Variants in CFAP99 observed in about 807,000 individuals in gnomAD.
The protein encoded by CFAP99 is cilia- and flagella-associated protein 99.
CFAP99 carries 84 observed loss-of-function variants against 82.7 expected under a neutral mutation model. That is an observed-to-expected ratio of 1.02 (90% CI 0.85 to 1.22). The LOEUF (loss-of-function observed/expected upper bound fraction) is 1.22. CFAP99 is among the 50% of genes most tolerant of loss of function. CFAP99 has a pLI of 0.00. For synonymous variants in CFAP99, 456 were observed against 429.5 expected (o/e 1.06, Z -0.76); for missense variants, 1,059 against 983.5 (o/e 1.08, Z -1.03).
In CFAP99 at chr4:2,426,487, T is replaced by G; in HGVS notation, c.12T>G (p.Tyr4Ter). The change falls in exon 2 of 15, where the codon TAT becomes TAG. Residue 4 changes from tyrosine to a stop codon, truncating the protein, a stop_gained. Coordinates refer to ENST00000635017, the Ensembl canonical transcript of CFAP99. LOFTEE classifies it high-confidence loss of function. The stretch of plus-strand genomic sequence containing the variant: ...TCTGCCCTAAGAAGATGGCCTACTA[T>G]GGAAAATGCATTGAAACTGTGATCG... The G allele has an allele frequency of 6.5e-7, 1 of 1,535,786 alleles. No individual in the cohort carries two copies. The highest frequency in any genetic ancestry group is 1.2e-5 in the South Asian group (1 of 84,058).
rs567188601 is a variant in CFAP99 at position 2,447,285 on chromosome 4, C to CA, written c.642+1978dup. On this transcript the variant is annotated intron_variant, in intron 6 of 14. Coordinates refer to ENST00000635017, the Ensembl canonical transcript of CFAP99. ...GGATGGATGGATGGATGGATGGACA[C>CA]ATGGAAGGATAAGTGAATGAATGGA... is the stretch of plus-strand genomic sequence containing the variant. Among the ~76,000 whole-genome samples, 572 of 140,418 alleles carry CA rather than the reference C, an allele frequency of 4.1e-3. 2 individuals are homozygous for CA. The highest frequency in any genetic ancestry group is 0.015 in the African/African-American group (545 of 36,808). 92.1% of individuals were successfully genotyped at this position (140,418 alleles called of 152,430 possible).
At position 2,433,272 on chromosome 4, in the gene CFAP99, G is replaced by A. The variant is rs564648806; in HGVS notation, c.112-3602G>A. Among the ~76,000 whole-genome samples the A allele has an allele frequency of 2.2e-4, 33 of 152,300 alleles. No homozygotes were observed. The South Asian group carries it at 5.2e-3, about 24-fold the overall frequency. On this transcript the variant is annotated intron_variant, in intron 2 of 14. Transcript: ENST00000635017. ...AACACAGACGTCATTGATGAGAAGC[G>A]GAGTCGCCGGTGCCTGAGCCGGGGA...
chr4:2,439,191 T>C (rs1003072028), intron 4 of CFAP99, among the ~76,000 whole-genome samples: 3 of 152,242 alleles, frequency 2.0e-5, no homozygotes, highest in Admixed American at 1.3e-4. Context: ...AGGTTGCTCC[T>C]ACATGGTACT....
chr4:2,436,107 G>C lies in CFAP99; in HGVS notation c.112-767G>C, dbSNP rs28419086. Reference sequence around the variant, plus strand: ...AAAAAAAAAAAAAATCTATATATATGTATATATAGATATATATAGATATAT... The same window carrying C: ...AAAAAAAAAAAAAATCTATATATATCTATATATAGATATATATAGATATAT... On this transcript the variant is annotated intron_variant, in intron 2 of 14. Coordinates refer to ENST00000635017, the Ensembl canonical transcript of CFAP99. 2.8e-5 allele frequency among the ~76,000 whole-genome samples: 4 copies of C among 144,334 alleles called. No homozygotes were observed. In the South Asian group the frequency reaches 8.5e-4, roughly 31 times the overall value. The allele number at this position is 144,334 out of a possible 152,430, so 94.7% of individuals were successfully genotyped here. A position where few individuals can be genotyped will look rare whatever the true frequency, so the allele number is the denominator to read the frequency against.
intron 5 of CFAP99, among the ~76,000 whole-genome samples, chr4:2,443,609 T>G (rs1437724474): frequency 6.6e-6 from 1 of 152,158 alleles, no homozygotes; most frequent in African/African-American, 2.4e-5. Context: ...GTGGTTCTAG[T>G]CCTGTGGGGA....
At chr4:2,423,182 T>G (rs759687622) in intron 1 of CFAP99, among the ~76,000 whole-genome samples, 2 of 152,250 alleles carry the variant, frequency 1.3e-5, no homozygotes, top group Non-Finnish European at 2.9e-5. Context: ...AAGTGCTTCC[T>G]GCTGCCAGCA....
At position 2,446,907 on chromosome 4, in the gene CFAP99, G is replaced by T. The variant is rs1734178506; in HGVS notation, c.642+1599G>T. On this transcript the variant is annotated intron_variant, in intron 6 of 14. Transcript: ENST00000635017. The surrounding 1 kb of genome is among the most constrained non-coding windows in gnomAD (Gnocchi z 5.0). ...TGAATGGGTGGATGAATGATCAAAT[G>T]AATGGATGGGTATGTGGGTAAGTGG... Among the ~76,000 whole-genome samples, 1 of 151,860 alleles carries T rather than the reference G, an allele frequency of 6.6e-6. No individual in the cohort carries two copies. The highest frequency in any genetic ancestry group is 6.6e-5 in the Admixed American group (1 of 15,218).
chr4:2,434,537 C>T (rs1474406930), intron 2 of CFAP99, among the ~76,000 whole-genome samples: 2 of 152,206 alleles, frequency 1.3e-5, no homozygotes, highest in Non-Finnish European at 2.9e-5. Flanking sequence ...CACGGGGAAC[C>T]TTGTGCTTAA....
At chr4:2,418,955 G>C (rs1733446206), upstream of CFAP99, 1 of 152,166 alleles carries the variant, frequency 6.6e-6, no homozygotes, top group Non-Finnish European at 1.5e-5. This position sits in a 1 kb window ranked among gnomAD's most constrained non-coding sequence, Gnocchi z 4.6. Context: ...AGGTGACGAC[G>C]CCAAACAGCC....
chr4:2,443,378 C>T (rs1183163368), intron 5 of CFAP99, 136 bp downstream of exon 5: 5 of 638,836 alleles, frequency 7.8e-6, no homozygotes, highest in Non-Finnish European at 1.4e-5. Context: ...ACTCCGTGTT[C>T]GGATGAGATC....
At chr4:2,441,244 G>A (rs929154744) in intron 4 of CFAP99, among the ~76,000 whole-genome samples, 2 of 151,464 alleles carry the variant, frequency 1.3e-5, no homozygotes, top group East Asian at 1.9e-4. Context: ...ATGGTGGCAC[G>A]CGCCTATAAT....
intron 2 of CFAP99, among the ~76,000 whole-genome samples, chr4:2,433,678 A>G (rs1733846417): frequency 2.0e-5 from 3 of 152,220 alleles, no homozygotes; most frequent in Admixed American, 6.5e-5. Flanking sequence ...GCGAGCGCCC[A>G]GGTGGCCATC....
At chr4:2,447,841 GAT>G (rs1475323906) in intron 6 of CFAP99, among the ~76,000 whole-genome samples, 3 of 151,086 alleles carry the variant, frequency 2.0e-5, no homozygotes, top group African/African-American at 7.3e-5. Flanking sequence ...TGGATGGATG[GAT>G]GGATGGATGG....
chr4:2,451,177 G>T lies in CFAP99; in HGVS notation c.868-87G>T, dbSNP rs2108730878. 4 of 1,483,772 alleles carry T rather than the reference G, an allele frequency of 2.7e-6. No homozygotes were observed. In the South Asian group the frequency reaches 3.7e-5, roughly 14 times the overall value. The allele number at this position is 1,483,772 out of a possible 1,614,324, so 91.9% of individuals were successfully genotyped here. ...AGGGAAGCACCTGGGCAGGGGGCAG[G>T]TGTGACGGGCATGAGGGCAGGATGG... On this transcript the variant is annotated intron_variant, in intron 9 of 14. Transcript: ENST00000635017.
At chr4:2,436,221 C>CTCGA (rs1733904828) in intron 2 of CFAP99, among the ~76,000 whole-genome samples, 1 of 152,078 alleles carries the variant, frequency 6.6e-6, no homozygotes, top group Non-Finnish European at 1.5e-5. Flanking sequence ...ATTGCCCCAC[C>CTCGA]TCGAACTCCA....
chr4:2,450,998 C>T, exon 9 of CFAP99: 1 of 1,536,028 alleles, frequency 6.5e-7, no homozygotes, highest in Non-Finnish European at 8.7e-7. Context: ...CCGAAAGACT[C>T]CGAAGCTGAC....
chr4:2,453,874 T>TGCA (rs1734363818), intron 11 of CFAP99, among the ~76,000 whole-genome samples: 1 of 151,038 alleles, frequency 6.6e-6, no homozygotes. Flanking sequence ...AGTGCGGTGG[T>TGCA]GTGATCTCAG....
At chr4:2,442,551 G>A (rs973504997) in intron 4 of CFAP99, among the ~76,000 whole-genome samples, 12 of 152,086 alleles carry the variant, frequency 7.9e-5, no homozygotes, top group South Asian at 2.1e-4. Flanking sequence ...CGCTCAGCCC[G>A]TGCCTCCTCG....
At chr4:2,423,799 A>C (rs1008001215) in intron 1 of CFAP99, among the ~76,000 whole-genome samples, 3 of 150,394 alleles carry the variant, frequency 2.0e-5, no homozygotes, top group Non-Finnish European at 4.4e-5. Context: ...CAGCAGCATC[A>C]CTGTCTCTTC....
Sources: allele counts gnomAD v4.1 joint callset (sites outside exome capture counted in the v4.1 genomes callset), GRCh38; gene constraint gnomAD v4.1.1; non-coding constraint Gnocchi (gnomAD v3.1); transcripts MANE v1.5; gene names NCBI Gene and HGNC (gene_info 2026-07-23, HGNC 2026-07-21).